VIPR2: variants seen among roughly 807,000 people sequenced by gnomAD.
The protein encoded by VIPR2 is vasoactive intestinal polypeptide receptor 2.
A neutral mutation model predicts 58.0 loss-of-function variants in VIPR2; 48 were observed. The ratio of observed to expected loss-of-function variants is 0.83; its 90% CI spans 0.66 to 1.05. The LOEUF (loss-of-function observed/expected upper bound fraction) is 1.05. Ranked by LOEUF, VIPR2 falls within the 50% of genes least tolerant of loss-of-function variation. The probability of loss-of-function intolerance (pLI) is 0.00; values close to 1 mark genes in which losing one functional copy is unlikely to be tolerated. For missense variants in VIPR2, 534 were observed against 558.0 expected (o/e 0.96, Z 0.43); for synonymous variants, 243 against 235.2 (o/e 1.03, Z -0.30).
intron 2 of VIPR2, among the ~76,000 whole-genome samples, chr7:159,140,083 GTTTTT>G (rs372853585): frequency 1.0e-3 from 138 of 137,812 alleles, no homozygotes; most frequent in African/African-American, 3.3e-3. Flanking sequence ...TTTTGTTTTT[GTTTTT>G]TTTTTAGATT....
chr7:159,104,028 C>G (rs1342758521), intron 3 of VIPR2, among the ~76,000 whole-genome samples, 174 bp from the exon 4 acceptor site: 1 of 152,150 alleles, frequency 6.6e-6, no homozygotes, highest in African/African-American at 2.4e-5. Context: ...TCCATGTGAC[C>G]TGGACAGCAG....
chr7:159,131,848 A>G (rs1034699645), intron 2 of VIPR2, among the ~76,000 whole-genome samples: 1 of 152,228 alleles, frequency 6.6e-6, no homozygotes, highest in African/African-American at 2.4e-5. Flanking sequence ...ACCTTGACTG[A>G]TTTGCAGACA....
At chr7:159,104,420 T>C (rs1027586871) in intron 3 of VIPR2, among the ~76,000 whole-genome samples, 5 of 145,254 alleles carry the variant, frequency 3.4e-5, no homozygotes, top group African/African-American at 1.3e-4. Context: ...TCCCGCCTGC[T>C]CCAGTTCCCG....
intron 3 of VIPR2, among the ~76,000 whole-genome samples, chr7:159,109,301 C>A (rs2129496240): frequency 1.3e-5 from 2 of 152,310 alleles, no homozygotes; most frequent in South Asian, 4.1e-4. Flanking sequence ...CCTGGAAGCC[C>A]AGAGAAACTG....
chr7:159,125,174 G>A (rs1563348653), intron 2 of VIPR2, among the ~76,000 whole-genome samples: 3 of 152,168 alleles, frequency 2.0e-5, no homozygotes. Flanking sequence ...ATAGCATGTT[G>A]AATAGGAGTG....
At chr7:159,139,460 C>T (rs992089158) in intron 2 of VIPR2, among the ~76,000 whole-genome samples, 3 of 152,206 alleles carry the variant, frequency 2.0e-5, no homozygotes, top group South Asian at 2.1e-4. Flanking sequence ...CAGCATCTCA[C>T]GTCTTCTGCA....
chr7:159,034,008 G>C (rs1055327795), intron 10 of VIPR2, among the ~76,000 whole-genome samples: 1 of 152,166 alleles, frequency 6.6e-6, no homozygotes, highest in Non-Finnish European at 1.5e-5. Context: ...CCAAATTTTG[G>C]AGTGATTTGT....
chr7:159,058,338 T>A, intron 5 of VIPR2, 143 bp downstream of exon 5: 1 of 681,602 alleles, frequency 1.5e-6, no homozygotes, highest in South Asian at 1.7e-5. Flanking sequence ...AATGTTAACA[T>A]CATATTTAAT....
At position 159,096,973 on chromosome 7, in the gene VIPR2, C is replaced by T. The variant is rs749319488; in HGVS notation, c.357+6784G>A. 6.4e-7 allele frequency: 1 copy of T among 1,550,486 alleles called. No individual in the cohort carries two copies. The highest frequency in any genetic ancestry group is 8.7e-7 in the Non-Finnish European group (1 of 1,146,998). The stretch of plus-strand genomic sequence containing the variant: ...GCTTGGCACCTGCTGGGCCTGAGGA[C>T]CATGAGGGGAGGCTTCCTTCAGAAA... On this transcript the variant is annotated intron_variant, in intron 4 of 12. Transcript: ENST00000262178. The surrounding 1 kb of genome is among the most constrained non-coding windows in gnomAD (Gnocchi z 5.5).
At chr7:159,141,286 T>C (rs751095414) in intron 2 of VIPR2, among the ~76,000 whole-genome samples, 1 of 152,360 alleles carries the variant, frequency 6.6e-6, no homozygotes, top group South Asian at 2.1e-4. Context: ...CCAGACAATC[T>C]GGAAGATGGG....
intron 5 of VIPR2, among the ~76,000 whole-genome samples, chr7:159,044,439 TAAG>T (rs1003281731): frequency 1.3e-5 from 2 of 151,660 alleles, no homozygotes; most frequent in African/African-American, 4.8e-5. Context: ...AAAATAATAA[TAAG>T]AAAATATGGC....
At chr7:159,064,355 C>T (rs961964800) in intron 4 of VIPR2, among the ~76,000 whole-genome samples, 2 of 152,042 alleles carry the variant, frequency 1.3e-5, no homozygotes, top group African/African-American at 4.8e-5. Context: ...CCCCTCTGTG[C>T]AGAACCCTCC....
chr7:159,112,933 C>T (rs1356196580), intron 2 of VIPR2, among the ~76,000 whole-genome samples: 1 of 151,852 alleles, frequency 6.6e-6, no homozygotes, highest in Admixed American at 6.6e-5. Context: ...CTTCCTGGGG[C>T]CAGATCCCCA....
At position 159,028,798 on chromosome 7, in the gene VIPR2, A is replaced by G. The variant is rs888897383; in HGVS notation, c.*1818T>C. 5 of 152,444 alleles carry G rather than the reference A, an allele frequency of 3.3e-5. No homozygotes were observed. Among genetic ancestry groups the G allele is most frequent in the African/African-American group, 4.8e-5 (2 of 41,462 alleles). The allele number at this position is 152,444 out of a possible 1,614,324, so 9.4% of individuals were successfully genotyped here. On this transcript the variant is annotated 3_prime_UTR_variant, in exon 13 of 13. Coordinates refer to ENST00000262178, the MANE Select transcript of VIPR2 (RefSeq NM_003382.5). The stretch of plus-strand genomic sequence containing the variant: ...TGGCCTGGGCCGTTTACTCCCCAGT[A>G]TCCGTCTGTGATGGATCCTCTGCGG...
chr7:159,051,303 C>G (rs533527225), intron 5 of VIPR2, among the ~76,000 whole-genome samples: 1 of 152,078 alleles, frequency 6.6e-6, no homozygotes, highest in Admixed American at 6.6e-5. Context: ...TAAAATGTTG[C>G]AAAACTCTTG....
At chr7:159,085,742 G>C (rs886347029) in intron 4 of VIPR2, among the ~76,000 whole-genome samples, 1 of 151,760 alleles carries the variant, frequency 6.6e-6, no homozygotes, top group African/African-American at 2.4e-5. Flanking sequence ...AGGAGTAACT[G>C]GTGATTCCAT....
In VIPR2 at chr7:159,097,013, G is replaced by A. The variant is rs144181946; in HGVS notation, c.357+6744C>T. The A allele has an allele frequency of 3.8e-3, 5,817 of 1,550,516 alleles. 16 individuals are homozygous for A. The highest frequency in any genetic ancestry group is 3.7e-3 in the Non-Finnish European group (4,273 of 1,146,942). On this transcript the variant is annotated intron_variant, in intron 4 of 12. Coordinates refer to ENST00000262178, the MANE Select transcript of VIPR2 (RefSeq NM_003382.5). The surrounding 1 kb of genome is among the most constrained non-coding windows in gnomAD (Gnocchi z 5.3). Reference sequence around the variant, plus strand: ...TCCTTCAGAAAAGCTGCTGCTCTCAGAGGTGATTTGGGGCAGGCCGCTCTG... The same window carrying A: ...TCCTTCAGAAAAGCTGCTGCTCTCAAAGGTGATTTGGGGCAGGCCGCTCTG...
intron 3 of VIPR2, among the ~76,000 whole-genome samples, chr7:159,105,990 T>A (rs1858621335): frequency 6.6e-6 from 1 of 152,216 alleles, no homozygotes; most frequent in South Asian, 2.1e-4. Flanking sequence ...CTCCAATTAA[T>A]CTCAGAGATG....
chr7:159,055,952 T>C (rs1357767389), intron 5 of VIPR2, among the ~76,000 whole-genome samples: 2 of 152,026 alleles, frequency 1.3e-5, no homozygotes, highest in East Asian at 3.9e-4. Context: ...TTAGCAATGG[T>C]GGGAAAGGAT....
Sources: gnomAD v4.1 joint callset for allele counts (sites outside exome capture counted in the v4.1 genomes callset) on GRCh38, gnomAD v4.1.1 for gene constraint, Gnocchi (gnomAD v3.1) non-coding constraint, MANE v1.5 for transcripts, NCBI Gene and HGNC (gene_info 2026-07-23, HGNC 2026-07-21) for gene names.